ALDH7A1: variants seen among roughly 807,000 people sequenced by gnomAD.
The protein encoded by ALDH7A1 is alpha-aminoadipic semialdehyde dehydrogenase.
In ALDH7A1, 63 loss-of-function variants were observed where a neutral mutation model predicts 79.9. That is an observed-to-expected ratio of 0.79 (90% CI 0.64 to 0.97). The LOEUF (loss-of-function observed/expected upper bound fraction) is 0.97, where lower values mean the gene tolerates loss of function less well. Among genes scored for constraint, ALDH7A1 ranks in the 50% least tolerant of loss-of-function variants. The pLI is 0.00. For synonymous variants in ALDH7A1, 240 were observed against 231.2 expected, an observed-to-expected ratio of 1.04 and a Z score of -0.34; for missense variants, 627 against 665.2, an observed-to-expected ratio of 0.94 and a Z score of 0.63.
In ALDH7A1 at chr5:126,566,157, A is replaced by C. The variant is rs1561658140; in HGVS notation, c.871+2102T>G. Reference sequence around the variant, plus strand: ...TTTACAGGAATTGCATTGAATCTGTAATCATGTGGACCATATTGAAACCTT... The same window carrying C: ...TTTACAGGAATTGCATTGAATCTGTCATCATGTGGACCATATTGAAACCTT... On this transcript the variant is annotated intron_variant, in intron 9 of 17. Transcript: ENST00000409134. 2.7e-4 allele frequency among the ~76,000 whole-genome samples: 41 copies of C among 152,246 alleles called. 1 individual carries two copies. Among genetic ancestry groups the C allele is most frequent in the Non-Finnish European group, 2.9e-5 (2 of 68,042 alleles).
At chr5:126,546,701 A>G (rs1015761274) in intron 16 of ALDH7A1, among the ~76,000 whole-genome samples, 7 of 151,720 alleles carry the variant, frequency 4.6e-5, no homozygotes, top group Admixed American at 3.9e-4. Context: ...CATGCCTGTA[A>G]CCCCACCGTG....
intron 16 of ALDH7A1, among the ~76,000 whole-genome samples, chr5:126,549,073 CAAAAAAAAAAAAAAAA>C (rs58433570): frequency 1.4e-5 from 1 of 69,860 alleles, no homozygotes; most frequent in Non-Finnish European, 2.6e-5. Flanking sequence ...GCCCCCAGCT[CAAAAAAAAAAAAAAAA>C]AAAAAAAAAA....
chr5:126,567,111 C>T (rs1750609265), intron 9 of ALDH7A1, among the ~76,000 whole-genome samples: 1 of 152,222 alleles, frequency 6.6e-6, no homozygotes, highest in Non-Finnish European at 1.5e-5. Flanking sequence ...CCTTTCTCAG[C>T]ATTCCACAAG....
At position 126,559,232 on chromosome 5, in the gene ALDH7A1, A is replaced by G; in HGVS notation, c.1008+8T>C. On this transcript the variant is annotated splice_region_variant and intron_variant, in intron 11 of 17. Coordinates refer to ENST00000409134, the MANE Select transcript of ALDH7A1 (RefSeq NM_001182.5). ...GCAAGACAATCGGGCCTATGCAGAT[A>G]TACTCACCAGTCGCCTCGCAGTGGT... The G allele has an allele frequency of 6.2e-7, 1 of 1,612,480 alleles. No individual in the cohort carries two copies. The highest frequency in any genetic ancestry group is 8.5e-7 in the Non-Finnish European group (1 of 1,178,712).
chr5:126,558,166 C>CAAAAAAAAAAA (rs35559498), intron 11 of ALDH7A1, among the ~76,000 whole-genome samples: 4 of 75,420 alleles, frequency 5.3e-5, no homozygotes, highest in Admixed American at 4.0e-4. Context: ...GACTCCAACT[C>CAAAAAAAAAAA]AAAAAAAAAA....
At chr5:126,583,866 A>G (rs1014992983) in intron 4 of ALDH7A1, 66 bp downstream of exon 4, 3 of 1,336,436 alleles carry the variant, frequency 2.2e-6, no homozygotes, top group East Asian at 2.3e-5. Context: ...AATTTTATAT[A>G]TAGAAAAGCA....
chr5:126,582,639 A>G, intron 5 of ALDH7A1: 1 of 596,412 alleles, frequency 1.7e-6, no homozygotes, highest in Non-Finnish European at 2.8e-6. Context: ...TGGACTTGCC[A>G]ACATTAAGTT....
chr5:126,559,375 G>T, intron 10 of ALDH7A1, 41 bp from the exon 11 acceptor site: 1 of 1,421,094 alleles, frequency 7.0e-7, no homozygotes, highest in Non-Finnish European at 9.9e-7. Context: ...AACCAAAACA[G>T]GTAGACAAGG....
chr5:126,585,908 G>A (rs909556820), intron 3 of ALDH7A1, among the ~76,000 whole-genome samples: 1 of 152,118 alleles, frequency 6.6e-6, no homozygotes, highest in Admixed American at 6.6e-5. Flanking sequence ...ACATAAGTAT[G>A]CAAAAGTATA....
At chr5:126,567,787 CT>C (rs562611077) in intron 9 of ALDH7A1, 14,565 of 117,484 alleles carry the variant, frequency 0.12, 846 homozygotes, top group African/African-American at 0.23. Flanking sequence ...TTTTTTTTTT[CT>C]TTTTTTTTTT....
At chr5:126,580,310 T>C (rs1443614508) in intron 5 of ALDH7A1, among the ~76,000 whole-genome samples, 2 of 152,150 alleles carry the variant, frequency 1.3e-5, no homozygotes, top group Non-Finnish European at 2.9e-5. Context: ...TTGGTCAGGC[T>C]GGTCTTAAAC....
intron 9 of ALDH7A1, among the ~76,000 whole-genome samples, chr5:126,562,702 G>C (rs1325670931): frequency 1.3e-5 from 2 of 152,068 alleles, no homozygotes; most frequent in Admixed American, 6.5e-5. Context: ...ACAAAAATTA[G>C]CTGGGCGTGG....
intron 7 of ALDH7A1, among the ~76,000 whole-genome samples, chr5:126,571,917 A>C (rs1750793152): frequency 6.6e-6 from 1 of 152,182 alleles, no homozygotes; most frequent in Admixed American, 6.5e-5. Context: ...AGTTCCCACC[A>C]AACCATGTCG....
chr5:126,553,671 A>T (rs1314255780), intron 13 of ALDH7A1, among the ~76,000 whole-genome samples: 1 of 151,854 alleles, frequency 6.6e-6, no homozygotes, highest in Non-Finnish European at 1.5e-5. Flanking sequence ...AGATCACGCC[A>T]CTGCACTCCA....
At chr5:126,565,109 T>TCTAG (rs1581375201) in intron 9 of ALDH7A1, among the ~76,000 whole-genome samples, 1 of 152,106 alleles carries the variant, frequency 6.6e-6, no homozygotes, top group East Asian at 1.9e-4. Flanking sequence ...AGATGTCTAT[T>TCTAG]CTAGGCCTGG....
chr5:126,593,601 T>C (rs1751634160), intron 1 of ALDH7A1, 197 bp from the exon 2 acceptor site: 7 of 762,448 alleles, frequency 9.2e-6, no homozygotes, highest in Non-Finnish European at 1.5e-5. Context: ...CATTAGAAAC[T>C]ACCTTTCTGC....
chr5:126,554,266 T>C, intron 13 of ALDH7A1, 21 bp downstream of exon 13: 1 of 1,605,082 alleles, frequency 6.2e-7, no homozygotes, highest in Non-Finnish European at 8.5e-7. Flanking sequence ...CTGTCACAAT[T>C]GATCTCAGAG....
chr5:126,568,569 C>T lies in ALDH7A1; in HGVS notation c.774-213G>A, dbSNP rs1750671880. On this transcript the variant is annotated intron_variant, in intron 8 of 17. Transcript: ENST00000409134. ...GCAGAAGAGGCTAACCTGCTGTGAGCATTTGAATAGAAATCACCTAGAGGA... is the reference window on the plus strand; with the variant it reads ...GCAGAAGAGGCTAACCTGCTGTGAGTATTTGAATAGAAATCACCTAGAGGA... The T allele has an allele frequency of 8.9e-6, 5 of 561,420 alleles. 1 individual carries two copies. In the Admixed American group the frequency reaches 1.2e-4, roughly 13 times the overall value. 34.8% of individuals were successfully genotyped at this position (561,420 alleles called of 1,614,324 possible).
At chr5:126,588,667 CTTTAG>C (rs1042630169) in intron 3 of ALDH7A1, 2 of 152,044 alleles carry the variant, frequency 1.3e-5, no homozygotes, top group Non-Finnish European at 2.9e-5. Flanking sequence ...AAATTGTGTA[CTTTAG>C]TTTATAATAA....
Sources: gnomAD v4.1 joint callset for allele counts (sites outside exome capture counted in the v4.1 genomes callset) on GRCh38, gnomAD v4.1.1 for gene constraint, MANE v1.5 for transcripts, NCBI Gene and HGNC (gene_info 2026-07-23, HGNC 2026-07-21) for gene names.